WDR27: variants seen among roughly 807,000 people sequenced by gnomAD.
WDR27 encodes WD repeat domain 27.
WDR27 carries 100 observed loss-of-function variants against 114.4 expected under a neutral mutation model. That is an observed-to-expected ratio of 0.87 (90% CI 0.74 to 1.03). WDR27 has a LOEUF of 1.03. Among genes scored for constraint, WDR27 ranks in the 50% least tolerant of loss-of-function variants. The pLI is 0.00. For synonymous variants in WDR27, 449 were observed against 423.1 expected, an observed-to-expected ratio of 1.06 and a Z score of -0.75; for missense variants, 1,129 against 1,092.9, an observed-to-expected ratio of 1.03 and a Z score of -0.47.
At chr6:169,435,971 ATAT>A in the WDR27 span, among the ~76,000 whole-genome samples, 1 of 152,214 alleles carries the variant, frequency 6.6e-6, no homozygotes, top group Non-Finnish European at 1.5e-5. Flanking sequence ...CAGTGAATTT[ATAT>A]TATTATGTTT....
the WDR27 span, among the ~76,000 whole-genome samples, chr6:169,441,117 A>C: frequency 6.6e-6 from 1 of 152,196 alleles, no homozygotes; most frequent in Non-Finnish European, 1.5e-5. Flanking sequence ...GAGACTAATA[A>C]GGTAGAACTT....
At chr6:169,600,080 G>A (rs187594218) in intron 23 of WDR27, among the ~76,000 whole-genome samples, 169 of 152,262 alleles carry the variant, frequency 1.1e-3, no homozygotes, top group Non-Finnish European at 2.2e-3. Context: ...TTTTGAGTGC[G>A]TTTCTTAATC....
At chr6:169,679,839 G>A (rs6933520) in intron 2 of WDR27, among the ~76,000 whole-genome samples, 59,341 of 152,060 alleles carry the variant, frequency 0.39, 13,526 homozygotes, top group East Asian at 0.94. Context: ...ATGCAAGAAT[G>A]AGAAATATGA....
At chr6:169,552,835 A>G (rs1798330660) in intron 25 of WDR27, among the ~76,000 whole-genome samples, 1 of 152,238 alleles carries the variant, frequency 6.6e-6, no homozygotes. Context: ...ACTCTCTCTC[A>G]GTTGAGGCTA....
chr6:169,593,287 G>A (rs953109391), intron 23 of WDR27, among the ~76,000 whole-genome samples: 6 of 152,094 alleles, frequency 3.9e-5, no homozygotes, highest in African/African-American at 9.7e-5. Flanking sequence ...CTTAGGAAAC[G>A]TTCTCTATTT....
chr6:169,620,674 G>A (rs908458596), intron 21 of WDR27, among the ~76,000 whole-genome samples: 12 of 152,104 alleles, frequency 7.9e-5, no homozygotes, highest in Admixed American at 2.0e-4. Flanking sequence ...AAAACCAAGC[G>A]GTGCCCCGAC....
chr6:169,583,478 TGTATATATAC>T (rs1260685704), intron 23 of WDR27, among the ~76,000 whole-genome samples: 3,682 of 21,618 alleles, frequency 0.17, 95 homozygotes, highest in East Asian at 0.47. Context: ...TGTGTGTGTG[TGTATATATAC>T]ATATATATAT....
intron 25 of WDR27, among the ~76,000 whole-genome samples, chr6:169,536,112 G>A (rs1796163408): frequency 6.6e-6 from 1 of 152,108 alleles, no homozygotes; most frequent in South Asian, 2.1e-4. Flanking sequence ...GAAAAAAATA[G>A]GCTCAAAAGG....
At chr6:169,677,166 T>C (rs184475138) in intron 2 of WDR27, among the ~76,000 whole-genome samples, 50 of 152,304 alleles carry the variant, frequency 3.3e-4, no homozygotes, top group Middle Eastern at 6.8e-3. Flanking sequence ...GAGGGAAACT[T>C]TGGAACTTCT....
intron 1 of WDR27, among the ~76,000 whole-genome samples, chr6:169,690,050 G>T (rs191666062): frequency 1.4e-3 from 213 of 152,066 alleles, no homozygotes; most frequent in African/African-American, 4.8e-3. Context: ...CCCTCATGCT[G>T]GTCATGTGGA....
At chr6:169,469,975 A>T (rs1277460687) in intron 25 of WDR27, among the ~76,000 whole-genome samples, 1 of 152,166 alleles carries the variant, frequency 6.6e-6, no homozygotes, top group Non-Finnish European at 1.5e-5. Context: ...CCAAATCTTC[A>T]TTTTACTGTA....
At chr6:169,428,453 T>G in the WDR27 span, among the ~76,000 whole-genome samples, 1 of 152,246 alleles carries the variant, frequency 6.6e-6, no homozygotes, top group Admixed American at 6.5e-5. Flanking sequence ...TAAACAGATA[T>G]ATTTTCCAAA....
At chr6:169,566,530 T>C (rs1244752753) in intron 25 of WDR27, among the ~76,000 whole-genome samples, 2 of 152,220 alleles carry the variant, frequency 1.3e-5, no homozygotes, top group Non-Finnish European at 2.9e-5. Context: ...GACATAAATA[T>C]TTTGACGATG....
rs71010607 is a variant in WDR27 at position 169,580,954 on chromosome 6, C to CAT, written c.2523+1880_2523+1881dup. 2.3e-4 allele frequency among the ~76,000 whole-genome samples: 20 copies of CAT among 88,536 alleles called. No individual in the cohort carries two copies. In the South Asian group the frequency reaches 2.5e-3, roughly 11 times the overall value. The allele number at this position is 88,536 out of a possible 152,430, so 58.1% of individuals were successfully genotyped here. ...AATTTTATATATATATATATATATACATATATATATATATAAATTCGGTAT... is the reference window on the plus strand; with the variant it reads ...AATTTTATATATATATATATATATACATATATATATATATATAAATTCGGTAT... On this transcript the variant is annotated intron_variant, in intron 24 of 25. Transcript: ENST00000448612.
chr6:169,492,188 G>A (rs1789855720), intron 25 of WDR27, among the ~76,000 whole-genome samples: 1 of 151,334 alleles, frequency 6.6e-6, no homozygotes, highest in African/African-American at 2.4e-5. Flanking sequence ...AGGAAGGTGG[G>A]TATGTTAGAG....
intron 22 of WDR27, among the ~76,000 whole-genome samples, chr6:169,611,578 A>T (rs1381296460): frequency 6.6e-6 from 1 of 152,082 alleles, no homozygotes; most frequent in Non-Finnish European, 1.5e-5. Context: ...AGCTAATATC[A>T]CTTAGCTTAA....
intron 25 of WDR27, among the ~76,000 whole-genome samples, chr6:169,544,892 AC>A (rs1224870546): frequency 6.6e-6 from 1 of 152,256 alleles, no homozygotes. Context: ...CAAAATGTTG[AC>A]AAAAGAAATC....
intron 25 of WDR27, among the ~76,000 whole-genome samples, chr6:169,510,342 T>C (rs1313419613): frequency 6.6e-6 from 1 of 152,086 alleles, no homozygotes; most frequent in Non-Finnish European, 1.5e-5. Context: ...GTATGTTTAT[T>C]GTGGCACTAT....
chr6:169,527,490 C>A (rs1268249973), intron 25 of WDR27, among the ~76,000 whole-genome samples: 1 of 152,194 alleles, frequency 6.6e-6, no homozygotes, highest in African/African-American at 2.4e-5. Context: ...TTGGGACTGA[C>A]TGCTAATAGT....
Sources: allele counts gnomAD v4.1 joint callset (sites outside exome capture counted in the v4.1 genomes callset), GRCh38; gene constraint gnomAD v4.1.1; transcripts MANE v1.5; gene names NCBI Gene and HGNC (gene_info 2026-07-23, HGNC 2026-07-21).